Variants in UBE2B observed in about 807,000 individuals in gnomAD.
UBE2B encodes ubiquitin conjugating enzyme E2 B, also known as ubiquitin-conjugating enzyme E2 B.
Under a neutral mutation model 24.6 loss-of-function variants are expected in UBE2B, and 11 were observed. That is an observed-to-expected ratio of 0.45 (90% CI 0.28 to 0.74). The LOEUF (loss-of-function observed/expected upper bound fraction) is 0.74, where lower values mean the gene tolerates loss of function less well. Among genes scored for constraint, UBE2B ranks in the 30% least tolerant of loss-of-function variants. UBE2B has a pLI of 0.13. For missense variants in UBE2B, 78 were observed against 185.6 expected (o/e 0.42, Z 3.37); for synonymous variants, 68 against 62.4 (o/e 1.09, Z -0.42).
intron 3 of UBE2B, among the ~76,000 whole-genome samples, chr5:134,378,941 A>C (rs61178603): frequency 0.13 from 20,005 of 151,294 alleles, 1,598 homozygotes; most frequent in African/African-American, 0.21. Flanking sequence ...AAAAAAAAAA[A>C]AAAAACAGTG....
In UBE2B at chr5:134,376,706, T is replaced by A; in HGVS notation, c.151+12T>A. 1 of 1,609,610 alleles carries A rather than the reference T, an allele frequency of 6.2e-7. No homozygotes were observed. The highest frequency in any genetic ancestry group is 8.5e-7 in the Non-Finnish European group (1 of 1,177,678). On this transcript the variant is annotated intron_variant, in intron 3 of 5. Coordinates refer to ENST00000265339, the MANE Select transcript of UBE2B (RefSeq NM_003337.4). ...ACCTTTTGAAGATGGTAAGTCATAC[T>A]CATTATGTTTTCTATAGTGTTATGA...
intron 2 of UBE2B, 146 bp downstream of exon 2, chr5:134,374,609 T>C (rs1758568295): frequency 3.2e-6 from 3 of 951,772 alleles, no homozygotes; most frequent in Non-Finnish European, 4.8e-6. Context: ...AAAAAAAATA[T>C]TTCAATTAGA....
In UBE2B at chr5:134,384,196, T is replaced by C. The variant is rs555391374; in HGVS notation, c.241+3388T>C. Among the ~76,000 whole-genome samples the C allele has an allele frequency of 5.1e-4, 78 of 152,302 alleles. No individual in the cohort carries two copies. The South Asian group carries it at 6.8e-3, about 13-fold the overall frequency. On this transcript the variant is annotated intron_variant, in intron 4 of 5. Coordinates refer to ENST00000265339, the MANE Select transcript of UBE2B (RefSeq NM_003337.4). The stretch of plus-strand genomic sequence containing the variant: ...GGAAGAACATTTTCAGAGGTCCTCT[T>C]GGTCGTGTCTCTAGTACTGCAGAAT...
At chr5:134,383,022 G>C (rs1484328634) in intron 4 of UBE2B, among the ~76,000 whole-genome samples, 1 of 151,786 alleles carries the variant, frequency 6.6e-6, no homozygotes, top group Non-Finnish European at 1.5e-5. Flanking sequence ...AAAATTAGCT[G>C]GGCATGGTGG....
chr5:134,381,030 G>A (rs1166576699), intron 4 of UBE2B, among the ~76,000 whole-genome samples: 2 of 140,814 alleles, frequency 1.4e-5, no homozygotes, highest in Non-Finnish European at 3.0e-5. Flanking sequence ...GCAGTGGCGC[G>A]ATCTCGGCTC....
chr5:134,375,612 C>A (rs979388995), intron 2 of UBE2B, among the ~76,000 whole-genome samples: 1 of 151,800 alleles, frequency 6.6e-6, no homozygotes, highest in East Asian at 1.9e-4. Context: ...CTGGCTAACA[C>A]GGTGAAACCC....
intron 4 of UBE2B, among the ~76,000 whole-genome samples, chr5:134,385,425 T>G (rs1474070513): frequency 6.6e-6 from 1 of 152,212 alleles, no homozygotes; most frequent in Non-Finnish European, 1.5e-5. Context: ...TGTGATTTGC[T>G]CCCCACTCTC....
intron 1 of UBE2B, among the ~76,000 whole-genome samples, chr5:134,372,210 GA>G (rs922826803): frequency 6.6e-5 from 10 of 152,190 alleles, no homozygotes; most frequent in African/African-American, 2.4e-4. Flanking sequence ...CGCCTGAAAG[GA>G]CCTTGGGAAC....
chr5:134,374,422 A>G lies in UBE2B; in HGVS notation c.84A>G (p.Pro28=), dbSNP rs762915348. Residue 28 remains proline, a synonymous_variant, in exon 2 of 6, where the codon CCA becomes CCG. Coordinates refer to ENST00000265339, the MANE Select transcript of UBE2B (RefSeq NM_003337.4). ...CACCTGTGGGTGTCAGTGGCGCACC[A>G]TCTGAAAACAACATCATGCAGTGGA... ...EDPPVGVSGA[P]SENNIMQWNA... 45 of 1,557,114 alleles carry G rather than the reference A, an allele frequency of 2.9e-5. No individual in the cohort carries two copies. The Admixed American group carries it at 8.1e-4, about 28-fold the overall frequency.
chr5:134,376,338 A>T (rs1430427942), intron 2 of UBE2B, among the ~76,000 whole-genome samples: 210 of 4,350 alleles, frequency 0.048, 12 homozygotes, highest in Middle Eastern at 0.083. Context: ...AAAAAAAAAA[A>T]AAAAAAAAAA....
chr5:134,382,050 C>T (rs1479746985), intron 4 of UBE2B, among the ~76,000 whole-genome samples: 3 of 151,940 alleles, frequency 2.0e-5, no homozygotes, highest in Non-Finnish European at 4.4e-5. Context: ...GCCTAGGTAA[C>T]ATAGTAAGAT....
At position 134,377,145 on chromosome 5, in the gene UBE2B, C is replaced by T. The variant is rs35323714; in HGVS notation, c.151+451C>T. Among the ~76,000 whole-genome samples the T allele has an allele frequency of 3.3e-3, 502 of 152,304 alleles. 1 individual carries two copies. The highest frequency in any genetic ancestry group is 0.011 in the African/African-American group (475 of 41,562). ...ATAAGTAGTTATCATTTTGCATAATCTTTGGCATCTCAAGTTGGGTATTTT... is the reference window on the plus strand; with the variant it reads ...ATAAGTAGTTATCATTTTGCATAATTTTTGGCATCTCAAGTTGGGTATTTT... On this transcript the variant is annotated intron_variant, in intron 3 of 5. Coordinates refer to ENST00000265339, the MANE Select transcript of UBE2B (RefSeq NM_003337.4).
intron 4 of UBE2B, among the ~76,000 whole-genome samples, chr5:134,382,407 C>T (rs1229537822): frequency 6.6e-6 from 1 of 151,952 alleles, no homozygotes; most frequent in Non-Finnish European, 1.5e-5. Flanking sequence ...TGAGCCATGA[C>T]TGTGCCACTG....
rs546225669 is a variant in UBE2B at position 134,386,276 on chromosome 5, C to T, written c.242-2049C>T. On this transcript the variant is annotated intron_variant, in intron 4 of 5. Transcript: ENST00000265339. Reference sequence around the variant, plus strand: ...CCAGGAGGTGGAGGTTGCAGTGAGCCGAGTTCTCACCACTGCACTCCAGCC... The same window carrying T: ...CCAGGAGGTGGAGGTTGCAGTGAGCTGAGTTCTCACCACTGCACTCCAGCC... Among the ~76,000 whole-genome samples, 4 of 150,028 alleles carry T rather than the reference C, an allele frequency of 2.7e-5. No homozygotes were observed. The East Asian group carries it at 7.8e-4, about 29-fold the overall frequency.
intron 5 of UBE2B, 73 bp downstream of exon 5, chr5:134,388,486 T>A: frequency 1.5e-6 from 2 of 1,340,520 alleles, no homozygotes; most frequent in Non-Finnish European, 2.1e-6. Context: ...AGCACACAGG[T>A]AACCAATGGC....
At chr5:134,379,402 T>A (rs954472233) in intron 3 of UBE2B, among the ~76,000 whole-genome samples, 6 of 152,060 alleles carry the variant, frequency 3.9e-5, no homozygotes, top group African/African-American at 1.4e-4. Flanking sequence ...TCCCAGCACT[T>A]TGGGAGGCCA....
intron 4 of UBE2B, chr5:134,385,699 A>T (rs1438229281): frequency 6.6e-6 from 1 of 152,098 alleles, no homozygotes; most frequent in Non-Finnish European, 1.5e-5. Flanking sequence ...CAAATAAATC[A>T]TAAACACAAG....
chr5:134,377,997 T>C (rs1255772540), intron 3 of UBE2B, among the ~76,000 whole-genome samples: 1 of 152,104 alleles, frequency 6.6e-6, no homozygotes, highest in Non-Finnish European at 1.5e-5. Flanking sequence ...GCCCAGGAGT[T>C]TGAGACCAGC....
At chr5:134,384,281 T>G (rs1186321881) in intron 4 of UBE2B, among the ~76,000 whole-genome samples, 1 of 152,158 alleles carries the variant, frequency 6.6e-6, no homozygotes, top group Non-Finnish European at 1.5e-5. Flanking sequence ...GGAATCAAGG[T>G]GACTTTCCAG....
Sources: gnomAD v4.1 joint callset for allele counts (sites outside exome capture counted in the v4.1 genomes callset) on GRCh38, gnomAD v4.1.1 for gene constraint, MANE v1.5 for transcripts, NCBI Gene and HGNC (gene_info 2026-07-23, HGNC 2026-07-21) for gene names.